The following MLN variants were observed in gnomAD, a reference collection of about 807,000 sequenced individuals.
MLN encodes the protein promotilin.
In MLN, 14 loss-of-function variants were observed where a neutral mutation model predicts 13.3. The ratio of observed to expected loss-of-function variants is 1.05; its 90% CI spans 0.69 to 1.64. MLN has a LOEUF of 1.64. MLN is among the 40% of genes most tolerant of loss of function. The probability of loss-of-function intolerance (pLI) is 0.00; values close to 1 mark genes in which losing one functional copy is unlikely to be tolerated. For missense variants in MLN, 122 were observed against 142.9 expected (o/e 0.85, Z 0.75); for synonymous variants, 59 against 54.7 (o/e 1.08, Z -0.34).
intron 3 of MLN, 52 bp from the exon 4 acceptor site, chr6:33,795,657 AC>A: frequency 1.4e-6 from 2 of 1,475,708 alleles, no homozygotes; most frequent in Non-Finnish European, 1.9e-6. Flanking sequence ...AGGGCCCTTA[AC>A]CCCTGGGTGC....
In MLN at chr6:33,803,376, C is replaced by T. The variant is rs891664812; in HGVS notation, c.-8+577G>A. ...AGGCTAGAGTGCAGTGGCGCGATCT[C>T]GGCTCACTGCAACCTCTGCCTCCCA... On this transcript the variant is annotated intron_variant, in intron 1 of 4. Transcript: ENST00000430124. This position sits in a 1 kb window ranked among gnomAD's most constrained non-coding sequence, Gnocchi z 4.5. 1.2e-4 allele frequency among the ~76,000 whole-genome samples: 18 copies of T among 150,440 alleles called. No homozygotes were observed. The highest frequency in any genetic ancestry group is 2.7e-4 in the Non-Finnish European group (18 of 67,774).
intron 3 of MLN, among the ~76,000 whole-genome samples, chr6:33,798,371 C>T (rs191093502): frequency 1.2e-4 from 18 of 152,156 alleles, no homozygotes; most frequent in African/African-American, 4.1e-4. Flanking sequence ...ATTGATCACC[C>T]AAATAAACGA....
At chr6:33,801,240 G>A in intron 1 of MLN, 70 bp from the exon 2 acceptor site, 3 of 1,182,512 alleles carry the variant, frequency 2.5e-6, no homozygotes. Context: ...TCCGAGGCAG[G>A]GGCCCTCAGT....
chr6:33,797,855 A>G (rs752433365), intron 3 of MLN, among the ~76,000 whole-genome samples: 16 of 152,052 alleles, frequency 1.1e-4, no homozygotes, highest in Non-Finnish European at 2.4e-4. Flanking sequence ...CCTCTGCTCA[A>G]AACCCCCAAG....
At position 33,803,717 on chromosome 6, in the gene MLN, A is replaced by G. The variant is rs1223116020; in HGVS notation, c.-8+236T>C. Among the ~76,000 whole-genome samples, 1 of 152,164 alleles carries G rather than the reference A, an allele frequency of 6.6e-6. No individual in the cohort carries two copies. The highest frequency in any genetic ancestry group is 1.9e-4 in the East Asian group (1 of 5,182). On this transcript the variant is annotated intron_variant, in intron 1 of 4. Coordinates refer to ENST00000430124, the MANE Select transcript of MLN (RefSeq NM_002418.3). This position sits in a 1 kb window ranked among gnomAD's most constrained non-coding sequence, Gnocchi z 4.5. The stretch of plus-strand genomic sequence containing the variant: ...CGTGGATGTGCCAGACCCACCCACA[A>G]CAGCCTCTGCTTTGCCAGGAGTTGT...
chr6:33,801,307 G>A, intron 1 of MLN, 137 bp from the exon 2 acceptor site: 1 of 663,892 alleles, frequency 1.5e-6, no homozygotes. Flanking sequence ...CAGCCTGTCT[G>A]GATTTGGGCC....
In MLN at chr6:33,803,413, T is replaced by C. The variant is rs1209629556; in HGVS notation, c.-8+540A>G. On this transcript the variant is annotated intron_variant, in intron 1 of 4. Transcript: ENST00000430124. The surrounding 1 kb of genome is among the most constrained non-coding windows in gnomAD (Gnocchi z 4.5). ...ACCTCTGCCTCCCAGGTTCAAGCGA[T>C]TCTTCTGCCTCAGCTTCCTGAGTAG... 1.3e-5 allele frequency among the ~76,000 whole-genome samples: 2 copies of C among 151,722 alleles called. No homozygotes were observed. Among genetic ancestry groups the C allele is most frequent in the Admixed American group, 1.3e-4 (2 of 15,240 alleles).
rs146687035 is a variant in MLN, at chr6:33,799,788, T to C, written c.118-567A>G. Among the ~76,000 whole-genome samples the C allele has an allele frequency of 7.7e-4, 118 of 152,342 alleles. 2 individuals carry two copies. The highest frequency in any genetic ancestry group is 2.6e-3 in the African/African-American group (107 of 41,592). On this transcript the variant is annotated intron_variant, in intron 2 of 4. Transcript: ENST00000430124. The surrounding 1 kb of genome is among the most constrained non-coding windows in gnomAD (Gnocchi z 4.6). The stretch of plus-strand genomic sequence containing the variant: ...AGCAGATTAATGCAGTGTCCTTTGC[T>C]TGCTATTTTGCTAGTTTATGTTCCA...
At chr6:33,801,557 C>T (rs1296980766) in intron 1 of MLN, among the ~76,000 whole-genome samples, 25 of 152,200 alleles carry the variant, frequency 1.6e-4, no homozygotes, top group Admixed American at 1.6e-3. Context: ...AGAACTGTGC[C>T]CCAAGACCCA....
In MLN at chr6:33,797,691, C is replaced by T. The variant is rs186294097; in HGVS notation, c.234+1414G>A. 2.0e-5 allele frequency among the ~76,000 whole-genome samples: 3 copies of T among 152,118 alleles called. No homozygotes were observed. In the East Asian group the frequency reaches 5.8e-4, roughly 29 times the overall value. ...TTGCCCTGCCTCCTCCAAGACCGCC[C>T]GAGGCCGAACTCTCTCTCTCTCTTT... On this transcript the variant is annotated intron_variant, in intron 3 of 4. Coordinates refer to ENST00000430124, the MANE Select transcript of MLN (RefSeq NM_002418.3).
At chr6:33,794,865 A>G (rs1245501306) in intron 4 of MLN, 30 bp from the exon 5 acceptor site, 5 of 1,613,188 alleles carry the variant, frequency 3.1e-6, no homozygotes, top group African/African-American at 2.7e-5. Flanking sequence ...TGCGCTCAGT[A>G]CCATCATCAG....
intron 3 of MLN, 130 bp downstream of exon 3, chr6:33,798,975 T>A: frequency 1.7e-6 from 1 of 577,572 alleles, no homozygotes. Context: ...ATTGCCTGGA[T>A]GTCTTGCTCA....
chr6:33,799,215 C>T lies in MLN; in HGVS notation c.124G>A (p.Glu42Lys). The change falls in exon 3 of 5, where the codon GAA becomes AAA. Residue 42 changes from glutamate to lysine, a missense_variant. Glu to Lys is a moderately conservative substitution (Grantham distance 56). Coordinates refer to ENST00000430124, the MANE Select transcript of MLN (RefSeq NM_002418.3). This position sits in a 1 kb window ranked among gnomAD's most constrained non-coding sequence, Gnocchi z 4.6. ...YGELQRMQEK[E>K]RNKGQKKSLS... ...GATTTCTTTTGCCCTTTATTCCGTT[C>T]CTTTTCCTAGGGGCAGAACAGAAAA... 1 of 1,610,378 alleles carries T rather than the reference C, an allele frequency of 6.2e-7. No individual in the cohort carries two copies. Among genetic ancestry groups the T allele is most frequent in the South Asian group, 1.1e-5 (1 of 90,774 alleles).
At chr6:33,795,766 T>C (rs1050151244) in intron 3 of MLN, among the ~76,000 whole-genome samples, 161 bp from the exon 4 acceptor site, 3 of 152,072 alleles carry the variant, frequency 2.0e-5, no homozygotes, top group African/African-American at 7.2e-5. Flanking sequence ...CTTCCCCTAA[T>C]TCTAACCAGA....
chr6:33,800,710 G>C (rs1477127270), intron 2 of MLN, among the ~76,000 whole-genome samples: 1 of 152,270 alleles, frequency 6.6e-6, no homozygotes, highest in Non-Finnish European at 1.5e-5. Flanking sequence ...TGGCACCCCA[G>C]CCTTCTCCCT....
chr6:33,795,669 A>G (rs955459421), intron 3 of MLN, 64 bp from the exon 4 acceptor site: 2 of 1,404,672 alleles, frequency 1.4e-6, no homozygotes, highest in Non-Finnish European at 2.0e-6. Flanking sequence ...CCCTGGGTGC[A>G]CTACAGGTGG....
chr6:33,800,803 A>C (rs1331949629), intron 2 of MLN, among the ~76,000 whole-genome samples: 1 of 152,208 alleles, frequency 6.6e-6, no homozygotes, highest in African/African-American at 2.4e-5. Flanking sequence ...GCAGCTCGGT[A>C]AATATTTATT....
chr6:33,801,095 C>A lies in MLN; in HGVS notation c.69G>T (p.Thr23=), dbSNP rs200908170. 9 of 1,614,096 alleles carry A rather than the reference C, an allele frequency of 5.6e-6. No individual in the cohort carries two copies. The highest frequency in any genetic ancestry group is 7.6e-6 in the Non-Finnish European group (9 of 1,179,994). Residue 23 remains threonine (T), a synonymous_variant, in exon 2 of 5, where the codon ACG becomes ACT. Transcript: ENST00000430124. Reference sequence around the variant, plus strand: ...AGGTGAAGATGGGGACGAAGGCTTCCGTCTGGGAGGCCAGCATGGCAGCTA... The same window carrying A: ...AGGTGAAGATGGGGACGAAGGCTTCAGTCTGGGAGGCCAGCATGGCAGCTA... ...VHVAAMLASQ[T]EAFVPIFTYG...
At chr6:33,796,768 G>A (rs1327150732) in intron 3 of MLN, among the ~76,000 whole-genome samples, 1 of 152,200 alleles carries the variant, frequency 6.6e-6, no homozygotes, top group Non-Finnish European at 1.5e-5. Flanking sequence ...CTTAACACAA[G>A]GAGGCTGGAC....
Sources: allele counts gnomAD v4.1 joint callset (sites outside exome capture counted in the v4.1 genomes callset), GRCh38; gene constraint gnomAD v4.1.1; non-coding constraint Gnocchi (gnomAD v3.1); transcripts MANE v1.5; gene names NCBI Gene and HGNC (gene_info 2026-07-23, HGNC 2026-07-21).